FRAS1: variants seen among roughly 807,000 people sequenced by gnomAD.
FRAS1 encodes the protein Fraser extracellular matrix complex subunit 1, also known as extracellular matrix organizing protein FRAS1.
A neutral mutation model predicts 435.2 loss-of-function variants in FRAS1; 290 were observed. The ratio of observed to expected loss-of-function variants is 0.67; its 90% confidence interval spans 0.61 to 0.73. The LOEUF is 0.73. Ranked by LOEUF, FRAS1 falls within the 30% of genes least tolerant of loss-of-function variation. The probability of loss-of-function intolerance (pLI) is 0.00; values close to 1 mark genes in which losing one functional copy is unlikely to be tolerated. For synonymous variants in FRAS1, 1,800 were observed against 1,851.0 expected (o/e 0.97, Z 0.71); for missense variants, 4,860 against 5,001.5 (o/e 0.97, Z 0.85).
At chr4:78,121,382 A>G (rs1719013556) in intron 2 of FRAS1, among the ~76,000 whole-genome samples, 1 of 152,178 alleles carries the variant, frequency 6.6e-6, no homozygotes, top group South Asian at 2.1e-4. Context: ...GAGAGTATTC[A>G]TTGGCACTAA....
At chr4:78,272,922 A>G (rs1377370079) in intron 9 of FRAS1, among the ~76,000 whole-genome samples, 4 of 152,200 alleles carry the variant, frequency 2.6e-5, no homozygotes, top group African/African-American at 9.6e-5. Flanking sequence ...CATTTTCATG[A>G]TGTTGATTCT....
chr4:78,257,003 C>T lies in FRAS1; in HGVS notation c.603+1628C>T, dbSNP rs563591373. Among the ~76,000 whole-genome samples, 5 of 152,262 alleles carry T rather than the reference C, an allele frequency of 3.3e-5. No homozygotes were observed. The South Asian group carries it at 6.2e-4, about 19-fold the overall frequency. ...GCTATTGTTGGAAAATATCACCCCACCTCTACCATACCTACCACCACCACC... is the reference window on the plus strand; with the variant it reads ...GCTATTGTTGGAAAATATCACCCCATCTCTACCATACCTACCACCACCACC... On this transcript the variant is annotated intron_variant, in intron 6 of 73. Coordinates refer to ENST00000512123, the MANE Select transcript of FRAS1 (RefSeq NM_025074.7).
At chr4:78,137,126 T>C (rs1406240447) in intron 2 of FRAS1, among the ~76,000 whole-genome samples, 2 of 152,218 alleles carry the variant, frequency 1.3e-5, no homozygotes, top group Non-Finnish European at 2.9e-5. Flanking sequence ...GTGTGTTTTT[T>C]ACTGAACCTA....
intron 19 of FRAS1, among the ~76,000 whole-genome samples, chr4:78,334,127 A>G (rs1452730201): frequency 2.0e-5 from 3 of 152,146 alleles, no homozygotes; most frequent in Non-Finnish European, 2.9e-5. Context: ...TATGTTTCTG[A>G]TTATTAAAAA....
intron 9 of FRAS1, 32 bp downstream of exon 9, chr4:78,267,464 T>C: frequency 1.9e-6 from 3 of 1,595,700 alleles, no homozygotes; most frequent in Non-Finnish European, 2.6e-6. Context: ...ATTTGGAACG[T>C]TGCAGCTCTT....
chr4:78,228,635 A>T (rs888976461), intron 2 of FRAS1, among the ~76,000 whole-genome samples: 1 of 152,226 alleles, frequency 6.6e-6, no homozygotes, highest in African/African-American at 2.4e-5. Context: ...GAATATGTAC[A>T]AACATTTAAG....
chr4:78,322,293 G>T (rs1211510574), intron 18 of FRAS1, among the ~76,000 whole-genome samples: 1 of 152,212 alleles, frequency 6.6e-6, no homozygotes, highest in Non-Finnish European at 1.5e-5. Context: ...CTATGAGATT[G>T]CACTGGGCTC....
rs1578381253 is a variant in FRAS1 at position 78,539,166 on chromosome 4, G to A, written c.11299-128G>A. The A allele has an allele frequency of 4.8e-6, 4 of 837,492 alleles. No individual in the cohort carries two copies. The East Asian group carries it at 7.8e-5, about 16-fold the overall frequency. 51.9% of individuals were successfully genotyped at this position (837,492 alleles called of 1,614,324 possible). ...ACTGACTTATGGAGAGGGCTTCACA[G>A]CACATACTCTCTCAACTCAACCTAA... On this transcript the variant is annotated intron_variant, in intron 72 of 73. Coordinates refer to ENST00000512123, the MANE Select transcript of FRAS1 (RefSeq NM_025074.7).
At chr4:78,238,001 A>G (rs1206071539) in intron 3 of FRAS1, among the ~76,000 whole-genome samples, 2 of 152,176 alleles carry the variant, frequency 1.3e-5, no homozygotes, top group East Asian at 1.9e-4. Context: ...ACTGCTGCCC[A>G]GAGATTTTAC....
At chr4:78,205,429 A>C (rs936818880) in intron 2 of FRAS1, among the ~76,000 whole-genome samples, 1 of 152,098 alleles carries the variant, frequency 6.6e-6, no homozygotes, top group African/African-American at 2.4e-5. Flanking sequence ...CCTGGGCTCT[A>C]GTGATCCACC....
intron 2 of FRAS1, among the ~76,000 whole-genome samples, chr4:78,120,101 T>G (rs1439955866): frequency 6.6e-6 from 1 of 152,232 alleles, no homozygotes; most frequent in Non-Finnish European, 1.5e-5. Context: ...CATATTGTTC[T>G]GAAAACAGTG....
Position 78,543,457 on chromosome 4 carries a change from G to C in FRAS1, c.*2333G>C, listed in dbSNP as rs191048132. The C allele has an allele frequency of 6.6e-6, 1 of 152,368 alleles. No individual in the cohort carries two copies. Among genetic ancestry groups the C allele is most frequent in the East Asian group, 1.9e-4 (1 of 5,186 alleles). The allele number at this position is 152,368 out of a possible 1,614,324, so 9.4% of individuals were successfully genotyped here. A position where few individuals can be genotyped will look rare whatever the true frequency, so the allele number is the denominator to read the frequency against. ...TGGCAGAATGAAGCTAGAGTGGGAA[G>C]GACTAAAGACTGAGCCCCAGAGTGC... On this transcript the variant is annotated 3_prime_UTR_variant, in exon 74 of 74. Coordinates refer to ENST00000512123, the MANE Select transcript of FRAS1 (RefSeq NM_025074.7).
At chr4:78,331,623 C>T (rs932478669) in intron 18 of FRAS1, among the ~76,000 whole-genome samples, 3 of 152,048 alleles carry the variant, frequency 2.0e-5, no homozygotes, top group Admixed American at 6.5e-5. Context: ...CACTTCTGGT[C>T]CTTCCAAGCC....
intron 18 of FRAS1, among the ~76,000 whole-genome samples, chr4:78,331,966 C>T (rs1473623562): frequency 2.6e-5 from 4 of 151,948 alleles, no homozygotes; most frequent in African/African-American, 9.7e-5. Context: ...AAGGGGAGCA[C>T]GAGGGTCAGT....
At chr4:78,296,276 T>C (rs558135012) in intron 14 of FRAS1, among the ~76,000 whole-genome samples, 2 of 151,932 alleles carry the variant, frequency 1.3e-5, no homozygotes, top group South Asian at 4.2e-4. Context: ...TATTATGAAG[T>C]TCCTCAAGCA....
At position 78,488,433 on chromosome 4, in the gene FRAS1, G is replaced by A. The variant is rs536965944; in HGVS notation, c.8753-442G>A. 1.2e-4 allele frequency among the ~76,000 whole-genome samples: 19 copies of A among 152,282 alleles called. No individual in the cohort carries two copies. The South Asian group carries it at 2.5e-3, about 20-fold the overall frequency. On this transcript the variant is annotated intron_variant, in intron 58 of 73. Coordinates refer to ENST00000512123, the MANE Select transcript of FRAS1 (RefSeq NM_025074.7). ...TTGTCTCTCTGGCCCCAAGACCAAT[G>A]TGAGTGGCCATTTAGCACCAGATTT...
chr4:78,273,207 T>C (rs1299073253), intron 9 of FRAS1, among the ~76,000 whole-genome samples: 2 of 152,182 alleles, frequency 1.3e-5, no homozygotes, highest in African/African-American at 2.4e-5. Context: ...CTTAAGGAGA[T>C]TTTGGGCTGA....
At chr4:78,500,036 C>A in intron 61 of FRAS1, 115 bp downstream of exon 61, 2 of 785,504 alleles carry the variant, frequency 2.5e-6, no homozygotes, top group Non-Finnish European at 3.7e-6. Context: ...GTTCCAATAG[C>A]TAAAGCATTT....
chr4:78,374,172 A>G lies in FRAS1; in HGVS notation c.3072A>G (p.Pro1024=), dbSNP rs766224122. Residue 1024 remains proline, a synonymous_variant, in exon 25 of 74, where the codon CCA becomes CCG. Coordinates refer to ENST00000512123, the MANE Select transcript of FRAS1 (RefSeq NM_025074.7). ...ATGAGTGTACCCGCTGCAAAGGGCC[A>G]TTTCTCCTCTTGGAAGCCCAGTGTG... The part of the protein sequence containing the change: ...GPHECTRCKG[P]FLLLEAQCVQ... 9 of 1,606,360 alleles carry G rather than the reference A, an allele frequency of 5.6e-6. No individual in the cohort carries two copies. The highest frequency in any genetic ancestry group is 2.2e-5 in the South Asian group (2 of 90,054).
Sources: allele counts gnomAD v4.1 joint callset (sites outside exome capture counted in the v4.1 genomes callset), GRCh38; gene constraint gnomAD v4.1.1; transcripts MANE v1.5; gene names NCBI Gene and HGNC (gene_info 2026-07-23, HGNC 2026-07-21).